The following MALRD1 variants were observed in gnomAD, a reference collection of about 807,000 sequenced individuals.
The protein encoded by MALRD1 is MAM and LDL-receptor class A domain-containing protein 1.
In MALRD1, 247 loss-of-function variants were observed where a neutral mutation model predicts 242.1. The observed-to-expected ratio is 1.02, with a 90% CI of 0.92 to 1.13. The LOEUF (loss-of-function observed/expected upper bound fraction) is 1.13, where lower values mean the gene tolerates loss of function less well. Ranked by LOEUF, MALRD1 falls within the 50% of genes most tolerant of loss-of-function variation. The pLI, the probability that MALRD1 is intolerant of heterozygous loss-of-function variation, is 0.00. For synonymous variants in MALRD1, 995 were observed against 866.6 expected, an observed-to-expected ratio of 1.15 and a Z score of -2.60; for missense variants, 2,989 against 2,533.1, an observed-to-expected ratio of 1.18 and a Z score of -3.86.
At chr10:19,581,445 C>T (rs927289980) in intron 33 of MALRD1, among the ~76,000 whole-genome samples, 15 of 150,090 alleles carry the variant, frequency 1.0e-4, no homozygotes, top group Non-Finnish European at 2.1e-4. Flanking sequence ...GTTCAATTCC[C>T]ACCTATGAAT....
chr10:19,437,367 T>C (rs1564338861), intron 28 of MALRD1, among the ~76,000 whole-genome samples: 1 of 152,264 alleles, frequency 6.6e-6, no homozygotes, highest in East Asian at 1.9e-4. Flanking sequence ...TATGATTTTC[T>C]TTCTTTGTAA....
intron 29 of MALRD1, among the ~76,000 whole-genome samples, chr10:19,455,430 A>G (rs1835594658): frequency 6.6e-6 from 1 of 152,224 alleles, no homozygotes; most frequent in Admixed American, 6.5e-5. Context: ...GATCAGCAAT[A>G]AGACCACTAG....
rs945207664 is a variant in MALRD1, at chr10:19,695,019, C to T, written c.6314+2465C>T. Reference sequence around the variant, plus strand: ...TTCTCACTCACAGGTGGGAACTGAACAATGAGAACACTTGGACAGAGGAAG... The same window carrying T: ...TTCTCACTCACAGGTGGGAACTGAATAATGAGAACACTTGGACAGAGGAAG... On this transcript the variant is annotated intron_variant, in intron 38 of 39. Coordinates refer to ENST00000454679, the MANE Select transcript of MALRD1 (RefSeq NM_001142308.3). Among the ~76,000 whole-genome samples the T allele has an allele frequency of 3.3e-5, 5 of 152,062 alleles. No individual in the cohort carries two copies. In the East Asian group the frequency reaches 9.6e-4, roughly 29 times the overall value.
chr10:19,645,584 T>C (rs1840618171), intron 36 of MALRD1, among the ~76,000 whole-genome samples: 1 of 152,128 alleles, frequency 6.6e-6, no homozygotes, highest in Non-Finnish European at 1.5e-5. Flanking sequence ...TGTAGGGACA[T>C]GGGTGAAGCT....
At chr10:19,095,862 G>T (rs575887031) in intron 4 of MALRD1, among the ~76,000 whole-genome samples, 1 of 152,302 alleles carries the variant, frequency 6.6e-6, no homozygotes, top group African/African-American at 2.4e-5. Flanking sequence ...CCAAGATTGT[G>T]TTTATGGGGA....
At chr10:19,333,919 T>C (rs1293602950) in intron 24 of MALRD1, among the ~76,000 whole-genome samples, 5 of 152,104 alleles carry the variant, frequency 3.3e-5, no homozygotes, top group African/African-American at 1.2e-4. Context: ...ATTTCTTTCA[T>C]ATGTTTGTTG....
intron 38 of MALRD1, among the ~76,000 whole-genome samples, chr10:19,719,034 G>A (rs1357350304): frequency 6.6e-6 from 1 of 150,562 alleles, no homozygotes; most frequent in African/African-American, 2.4e-5. Context: ...ATGGCGGTAC[G>A]TGGCTGTAGG....
chr10:19,580,874 T>G (rs1837085844), intron 33 of MALRD1, among the ~76,000 whole-genome samples: 1 of 152,118 alleles, frequency 6.6e-6, no homozygotes, highest in South Asian at 2.1e-4. Context: ...TTCCTTATAC[T>G]ACACACACTC....
At position 19,352,018 on chromosome 10, in the gene MALRD1, T is replaced by C. The variant is rs1193928567; in HGVS notation, c.4162T>C (p.Tyr1388His). Residue 1388 changes from tyrosine (Y) to histidine (H), a missense_variant, in exon 26 of 40, where the codon TAT becomes CAT. Coordinates refer to ENST00000454679, the MANE Select transcript of MALRD1 (RefSeq NM_001142308.3). ...RSKNCKIIFH[Y>H]HMYGNGIGAL... ...TTCTTGATTACAGATTATTTTTCAT[T>C]ATCACATGTATGGAAATGGCATTGG... The C allele has an allele frequency of 1.3e-5, 20 of 1,546,666 alleles. No individual in the cohort carries two copies. Among genetic ancestry groups the C allele is most frequent in the Admixed American group, 7.9e-5 (4 of 50,894 alleles).
intron 19 of MALRD1, among the ~76,000 whole-genome samples, chr10:19,270,807 A>AACACACACACACAC (rs71387059): frequency 2.0e-4 from 29 of 145,140 alleles, no homozygotes; most frequent in Non-Finnish European, 9.0e-5. Context: ...TTCAAAGGAT[A>AACACACACACACAC]ACACACACAC....
intron 11 of MALRD1, among the ~76,000 whole-genome samples, chr10:19,153,536 A>G (rs1373586093): frequency 1.3e-5 from 2 of 152,008 alleles, no homozygotes; most frequent in East Asian, 3.9e-4. Flanking sequence ...CTACAAAAAA[A>G]TTTAAAAATT....
chr10:19,050,268 T>C (rs555881184), intron 1 of MALRD1, among the ~76,000 whole-genome samples: 157 of 150,950 alleles, frequency 1.0e-3, no homozygotes, highest in African/African-American at 3.7e-3. Context: ...TTTGTATTTT[T>C]AGTAGAGACG....
intron 18 of MALRD1, among the ~76,000 whole-genome samples, chr10:19,253,967 G>A (rs967747010): frequency 1.4e-4 from 21 of 152,020 alleles, no homozygotes; most frequent in African/African-American, 4.6e-4. Flanking sequence ...TTTATAAGGG[G>A]TTTCACCCTT....
intron 18 of MALRD1, among the ~76,000 whole-genome samples, chr10:19,237,546 A>G (rs915834039): frequency 6.1e-5 from 8 of 131,488 alleles, no homozygotes; most frequent in African/African-American, 2.2e-4. Context: ...AATTTTATGT[A>G]TAATTATAAT....
chr10:19,157,336 A>C (rs1450963035), intron 12 of MALRD1, among the ~76,000 whole-genome samples: 2 of 149,014 alleles, frequency 1.3e-5, no homozygotes, highest in African/African-American at 4.9e-5. Context: ...GCAGTGGCGC[A>C]ATCTGGGCTC....
At chr10:19,544,297 C>T in intron 32 of MALRD1, among the ~76,000 whole-genome samples, 1 of 152,078 alleles carries the variant, frequency 6.6e-6, no homozygotes, top group Admixed American at 6.6e-5. Context: ...AGGCGATTCT[C>T]CTGCCTCAGC....
At chr10:19,260,404 C>A (rs1441940856) in intron 19 of MALRD1, among the ~76,000 whole-genome samples, 1 of 152,076 alleles carries the variant, frequency 6.6e-6, no homozygotes, top group Non-Finnish European at 1.5e-5. Context: ...AAGACCAAGT[C>A]CCTATTTGAC....
chr10:19,483,186 C>A (rs769735147), intron 29 of MALRD1, among the ~76,000 whole-genome samples: 2 of 141,132 alleles, frequency 1.4e-5, no homozygotes, highest in African/African-American at 2.7e-5. Flanking sequence ...AATGGAAGAC[C>A]TGAAACTATA....
intron 36 of MALRD1, among the ~76,000 whole-genome samples, chr10:19,662,245 T>A (rs1015031734): frequency 3.3e-5 from 5 of 152,136 alleles, no homozygotes; most frequent in African/African-American, 1.2e-4. Context: ...TAAATTAACT[T>A]GTTATTTGAA....
Sources: gnomAD v4.1 joint callset for allele counts (sites outside exome capture counted in the v4.1 genomes callset) on GRCh38, gnomAD v4.1.1 for gene constraint, MANE v1.5 for transcripts, NCBI Gene and HGNC (gene_info 2026-07-23, HGNC 2026-07-21) for gene names.